The following ADK variants were observed in gnomAD, a reference collection of about 807,000 sequenced individuals.
The protein encoded by ADK is adenosine kinase.
Under a neutral mutation model 44.7 loss-of-function variants are expected in ADK, and 24 were observed. The ratio of observed to expected loss-of-function variants is 0.54; its 90% CI spans 0.39 to 0.76. The LOEUF (loss-of-function observed/expected upper bound fraction) is 0.76. Ranked by LOEUF, ADK falls within the 30% of genes least tolerant of loss-of-function variation. ADK has a pLI of 0.00. For synonymous variants in ADK, 128 were observed against 142.6 expected (o/e 0.90, Z 0.73); for missense variants, 321 against 425.1 (o/e 0.76, Z 2.15).
intron 6 of ADK, among the ~76,000 whole-genome samples, chr10:74,437,163 T>G (rs1845203354): frequency 6.6e-6 from 1 of 152,100 alleles, no homozygotes; most frequent in Non-Finnish European, 1.5e-5. Flanking sequence ...AAAAACAATG[T>G]TTAATCATAA....
At chr10:74,459,819 A>G (rs1846103749) in intron 6 of ADK, among the ~76,000 whole-genome samples, 1 of 151,964 alleles carries the variant, frequency 6.6e-6, no homozygotes, top group African/African-American at 2.4e-5. Flanking sequence ...CTGCTAAAAT[A>G]AGGCATTATT....
chr10:74,241,910 T>A (rs1845223705), intron 3 of ADK, among the ~76,000 whole-genome samples: 1 of 152,228 alleles, frequency 6.6e-6, no homozygotes, highest in African/African-American at 2.4e-5. Context: ...GATGTATAGT[T>A]CATACCTTTA....
chr10:74,702,199 T>A (rs1455948892), intron 10 of ADK, among the ~76,000 whole-genome samples: 1 of 151,750 alleles, frequency 6.6e-6, no homozygotes, highest in Non-Finnish European at 1.5e-5. Flanking sequence ...GATTTTTTTT[T>A]TTTTTTGAGA....
At chr10:74,517,098 C>T (rs902386854) in intron 6 of ADK, among the ~76,000 whole-genome samples, 23 of 152,166 alleles carry the variant, frequency 1.5e-4, no homozygotes, top group African/African-American at 5.3e-4. Context: ...TCCCACAACA[C>T]GTGGGAGCAC....
intron 9 of ADK, among the ~76,000 whole-genome samples, chr10:74,643,002 GCTAA>G (rs984949435): frequency 1.3e-5 from 2 of 151,500 alleles, no homozygotes. Flanking sequence ...ACCATATCTG[GCTAA>G]CTTTTTTTAT....
At chr10:74,534,982 A>C (rs776139348) in intron 7 of ADK, among the ~76,000 whole-genome samples, 47 of 152,232 alleles carry the variant, frequency 3.1e-4, no homozygotes, top group Non-Finnish European at 6.0e-4. Context: ...TGCAAGTAGA[A>C]TGAGAATTAG....
intron 2 of ADK, among the ~76,000 whole-genome samples, chr10:74,217,322 C>T (rs921683184): frequency 1.3e-5 from 2 of 152,352 alleles, no homozygotes; most frequent in South Asian, 2.1e-4. Flanking sequence ...GGGAGAGGGG[C>T]GCCCGCCATT....
At chr10:74,160,690 G>GGTGT (rs779393232) in intron 1 of ADK, among the ~76,000 whole-genome samples, 3,190 of 136,278 alleles carry the variant, frequency 0.023, 41 homozygotes, top group Non-Finnish European at 0.028. Flanking sequence ...TGCAGGTAGG[G>GGTGT]GTGTGTGTGT....
intron 2 of ADK, among the ~76,000 whole-genome samples, chr10:74,220,460 A>C (rs1046518306): frequency 1.3e-5 from 2 of 152,078 alleles, no homozygotes; most frequent in Non-Finnish European, 2.9e-5. Flanking sequence ...AACTGGTACC[A>C]TTCCTTCTGA....
intron 6 of ADK, among the ~76,000 whole-genome samples, chr10:74,440,648 T>C (rs1281359908): frequency 1.3e-5 from 2 of 152,116 alleles, no homozygotes; most frequent in Non-Finnish European, 2.9e-5. Context: ...CATCTAAACA[T>C]GAAAAATCTC....
chr10:74,359,298 G>GTTCTGT (rs1430943766), intron 4 of ADK, among the ~76,000 whole-genome samples: 4 of 151,960 alleles, frequency 2.6e-5, no homozygotes, highest in African/African-American at 9.7e-5. Context: ...TAGCTATTTG[G>GTTCTGT]GGTCTTCTGT....
chr10:74,314,706 T>C lies in ADK; in HGVS notation c.234T>C (p.His78=), dbSNP rs1463440723. Residue 78 remains histidine, a synonymous_variant, in exon 4 of 11, where the codon CAT becomes CAC. Transcript: ENST00000539909. ...ELVKKFKVEY[H]AGGSTQNSIK... is the part of the protein sequence containing the mutation. ...TGAAAAAATTCAAAGTCGAATATCA[T>C]GCTGGTGGCTCTACCCAGAATTCAA... 6.2e-7 allele frequency: 1 copy of C among 1,613,164 alleles called. No individual in the cohort carries two copies. Among genetic ancestry groups the C allele is most frequent in the East Asian group, 2.2e-5 (1 of 44,746 alleles).
chr10:74,702,414 C>G (rs1437973015), intron 10 of ADK, among the ~76,000 whole-genome samples: 3 of 151,744 alleles, frequency 2.0e-5, no homozygotes, highest in African/African-American at 4.8e-5. Flanking sequence ...GAACTCCTGA[C>G]CTTGTGATCC....
At chr10:74,503,941 C>G (rs928953957) in intron 6 of ADK, among the ~76,000 whole-genome samples, 2 of 152,090 alleles carry the variant, frequency 1.3e-5, no homozygotes, top group South Asian at 2.1e-4. Flanking sequence ...CTCCAGAATC[C>G]CACCCTGATA....
chr10:74,217,111 C>G (rs891388292), intron 2 of ADK, among the ~76,000 whole-genome samples: 1 of 152,222 alleles, frequency 6.6e-6, no homozygotes, highest in Non-Finnish European at 1.5e-5. Context: ...GTTCCCTTTC[C>G]TAGTCAAAGA....
chr10:74,255,966 A>G (rs574280729), intron 3 of ADK, among the ~76,000 whole-genome samples: 1 of 152,314 alleles, frequency 6.6e-6, no homozygotes, highest in Admixed American at 6.5e-5. Flanking sequence ...TGGGTAGTCA[A>G]CGAACAGTCA....
At chr10:74,575,273 A>G (rs1851144445) in intron 7 of ADK, among the ~76,000 whole-genome samples, 1 of 152,226 alleles carries the variant, frequency 6.6e-6, no homozygotes, top group East Asian at 1.9e-4. Context: ...AATGAAAAAG[A>G]GTTTCTGCAC....
At chr10:74,313,841 T>G (rs1289340296) in intron 3 of ADK, among the ~76,000 whole-genome samples, 2 of 152,008 alleles carry the variant, frequency 1.3e-5, no homozygotes, top group Non-Finnish European at 2.9e-5. Context: ...TTTTAATTTC[T>G]TATATTTTCT....
intron 9 of ADK, among the ~76,000 whole-genome samples, chr10:74,665,940 G>A (rs950675479): frequency 6.6e-6 from 1 of 152,138 alleles, no homozygotes; most frequent in East Asian, 1.9e-4. Context: ...TAACAATGTG[G>A]CATTTTAAAA....
Sources: allele counts gnomAD v4.1 joint callset (sites outside exome capture counted in the v4.1 genomes callset), GRCh38; gene constraint gnomAD v4.1.1; transcripts MANE v1.5; gene names NCBI Gene and HGNC (gene_info 2026-07-23, HGNC 2026-07-21).